The following MSTO1 variants were observed in gnomAD, a reference collection of about 807,000 sequenced individuals.
The protein encoded by MSTO1 is misato mitochondrial distribution and morphology regulator 1, also known as protein misato homolog 1.
A neutral mutation model predicts 55.7 loss-of-function variants in MSTO1; 24 were observed. That is an observed-to-expected ratio of 0.43 (90% confidence interval 0.31 to 0.61). MSTO1 has a LOEUF of 0.61. MSTO1 is among the 20% of genes least tolerant of loss of function. MSTO1 has a pLI of 0.09. For synonymous variants in MSTO1, 162 were observed against 252.8 expected (o/e 0.64, Z 3.41); for missense variants, 363 against 625.7 (o/e 0.58, Z 4.48).
At chr1:155,581,985 C>T in the MSTO1 span, among the ~76,000 whole-genome samples, 1 of 140,802 alleles carries the variant, frequency 7.1e-6, no homozygotes, top group Non-Finnish European at 1.5e-5. Flanking sequence ...GTCGGAATTT[C>T]GCTCTTGTTG....
At chr1:155,581,950 T>C in the MSTO1 span, among the ~76,000 whole-genome samples, 4 of 151,266 alleles carry the variant, frequency 2.6e-5, no homozygotes, top group Middle Eastern at 0.01. Context: ...TGCACCACCA[T>C]GTCTGGCTTT....
chr1:155,567,023 T>G, the MSTO1 span, among the ~76,000 whole-genome samples: 3,305 of 152,006 alleles, frequency 0.022, 113 homozygotes, highest in African/African-American at 0.076. Context: ...GGGACTACTG[T>G]TGGGCAGGAA....
chr1:155,566,112 C>G, the MSTO1 span: 1 of 152,190 alleles, frequency 6.6e-6, no homozygotes, highest in East Asian at 1.9e-4. Flanking sequence ...AGCATGTAAG[C>G]TGCCAGCACC....
At chr1:155,580,620 T>A in the MSTO1 span, among the ~76,000 whole-genome samples, 3 of 151,924 alleles carry the variant, frequency 2.0e-5, no homozygotes. Flanking sequence ...TGTTGTTTGT[T>A]TAAAGAAAGA....
the MSTO1 span, among the ~76,000 whole-genome samples, chr1:155,570,040 A>G: frequency 1.3e-5 from 2 of 152,150 alleles, no homozygotes; most frequent in Non-Finnish European, 1.5e-5. Flanking sequence ...TTGTGTTGGT[A>G]TTTGTTTTAA....
chr1:155,595,968 T>C, the MSTO1 span, among the ~76,000 whole-genome samples: 3,108 of 152,292 alleles, frequency 0.02, 104 homozygotes, highest in African/African-American at 0.071. Context: ...CCTATTAGAC[T>C]GGATATTAAT....
the MSTO1 span, among the ~76,000 whole-genome samples, chr1:155,576,093 A>G: frequency 9.2e-5 from 14 of 152,112 alleles, no homozygotes; most frequent in Middle Eastern, 6.8e-3. Context: ...AAGTGCTGGG[A>G]TTACAGGTGT....
intron 11 of MSTO1, 110 bp downstream of exon 11, chr1:155,613,343 A>C (rs1674752425): frequency 3.8e-6 from 6 of 1,569,770 alleles, no homozygotes; most frequent in Non-Finnish European, 3.5e-6. Context: ...CACCCCTTAA[A>C]AAGGAAAAAA....
Position 155,614,483 on chromosome 1 carries a change from T to G in MSTO1, c.*210T>G, listed in dbSNP as rs1675194684. Reference sequence around the variant, plus strand: ...AGTAGAGAAAGGAGCTGAACTCCACTCTCGATGCTACTTACAGAGGACATC... The same window carrying G: ...AGTAGAGAAAGGAGCTGAACTCCACGCTCGATGCTACTTACAGAGGACATC... On this transcript the variant is annotated 3_prime_UTR_variant, in exon 14 of 14. Coordinates refer to ENST00000245564, the MANE Select transcript of MSTO1 (RefSeq NM_018116.4). The G allele has an allele frequency of 1.6e-6, 1 of 643,498 alleles. No individual in the cohort carries two copies. The highest frequency in any genetic ancestry group is 1.8e-5 in the African/African-American group (1 of 54,436). 39.9% of individuals were successfully genotyped at this position (643,498 alleles called of 1,614,324 possible). A position where few individuals can be genotyped will look rare whatever the true frequency, so the allele number is the denominator to read the frequency against.
chr1:155,577,015 C>CAAAAA, the MSTO1 span, among the ~76,000 whole-genome samples: 1 of 34,642 alleles, frequency 2.9e-5, no homozygotes, highest in Non-Finnish European at 4.8e-5. Flanking sequence ...AACTCCGTCT[C>CAAAAA]AAAAAAAAAA....
chr1:155,584,559 TG>T, the MSTO1 span, among the ~76,000 whole-genome samples: 1 of 148,578 alleles, frequency 6.7e-6, no homozygotes, highest in Non-Finnish European at 1.5e-5. Flanking sequence ...TGGTCCCAGC[TG>T]CTTGGAAGGC....
the MSTO1 span, among the ~76,000 whole-genome samples, chr1:155,592,986 AC>A: frequency 6.6e-6 from 1 of 151,962 alleles, no homozygotes; most frequent in African/African-American, 2.4e-5. Context: ...ATCTTGGCTC[AC>A]TGCAACCTCC....
At chr1:155,571,321 CATT>C in the MSTO1 span, among the ~76,000 whole-genome samples, 2 of 152,144 alleles carry the variant, frequency 1.3e-5, no homozygotes, top group African/African-American at 2.4e-5. Context: ...TCTGTGATTT[CATT>C]GTTGTTGTTG....
At chr1:155,585,951 C>G in the MSTO1 span, among the ~76,000 whole-genome samples, 3 of 151,060 alleles carry the variant, frequency 2.0e-5, no homozygotes, top group African/African-American at 4.9e-5. Context: ...ACATGTCATA[C>G]TATGCTAGAT....
chr1:155,608,011 A>G (rs558268472), upstream of MSTO1, among the ~76,000 whole-genome samples: 49 of 152,354 alleles, frequency 3.2e-4, 1 homozygote, highest in African/African-American at 9.9e-4. Context: ...ATAAATAAAC[A>G]AAACTAAATA....
chr1:155,568,210 G>A, the MSTO1 span, among the ~76,000 whole-genome samples: 2 of 150,698 alleles, frequency 1.3e-5, no homozygotes, highest in Non-Finnish European at 3.0e-5. Flanking sequence ...CTCCCAAGTA[G>A]CTGGGATTAC....
At chr1:155,582,434 T>G in the MSTO1 span, among the ~76,000 whole-genome samples, 1 of 152,108 alleles carries the variant, frequency 6.6e-6, no homozygotes, top group Non-Finnish European at 1.5e-5. Flanking sequence ...TTTGGCTTGT[T>G]GATAGGATTT....
the MSTO1 span, among the ~76,000 whole-genome samples, chr1:155,604,325 T>C: frequency 6.6e-6 from 1 of 152,148 alleles, no homozygotes; most frequent in Admixed American, 6.6e-5. Flanking sequence ...TGACTGACAA[T>C]GGACCATAAA....
At chr1:155,613,396 C>T in intron 11 of MSTO1, 66 bp from the exon 12 acceptor site, 1 of 1,605,536 alleles carries the variant, frequency 6.2e-7, no homozygotes, top group South Asian at 1.1e-5. Flanking sequence ...GGCCTGAGAA[C>T]ATAAGAATTC....
Sources: gnomAD v4.1 joint callset for allele counts (sites outside exome capture counted in the v4.1 genomes callset) on GRCh38, gnomAD v4.1.1 for gene constraint, MANE v1.5 for transcripts, NCBI Gene and HGNC (gene_info 2026-07-23, HGNC 2026-07-21) for gene names.